Variants in ZFHX3 observed in about 807,000 individuals in gnomAD.
The protein encoded by ZFHX3 is zinc finger homeobox 3, also known as zinc finger homeobox protein 3.
In ZFHX3, 42 loss-of-function variants were observed where a neutral mutation model predicts 279.1. That is an observed-to-expected ratio of 0.15 (90% confidence interval 0.12 to 0.19). The LOEUF is 0.19. ZFHX3 is among the 10% of genes least tolerant of loss of function. The pLI, the probability that ZFHX3 is intolerant of heterozygous loss-of-function variation, is 1.00. For missense variants in ZFHX3, 4,981 were observed against 4,754.0 expected (o/e 1.05, Z -1.40); for synonymous variants, 2,293 against 1,957.8 (o/e 1.17, Z -4.52).
intron 5 of ZFHX3, among the ~76,000 whole-genome samples, chr16:73,191,691 C>T (rs1480464018): frequency 1.3e-5 from 2 of 152,052 alleles, no homozygotes; most frequent in African/African-American, 4.8e-5. Flanking sequence ...CTCTCACCCA[C>T]GGCTCTTTCA....
Position 73,010,351 on chromosome 16 carries a change from G to A in ZFHX3, c.-50+37401C>T, listed in dbSNP as rs137992811. 1.1e-3 allele frequency among the ~76,000 whole-genome samples: 175 copies of A among 152,280 alleles called. 1 individual carries two copies. The East Asian group carries it at 0.02, about 17-fold the overall frequency. On this transcript the variant is annotated intron_variant, in intron 1 of 9. Coordinates refer to ENST00000268489, the MANE Select transcript of ZFHX3 (RefSeq NM_006885.4). ...CACGAGAGGTTCAGCAGCCACTGCC[G>A]CTAAAACAAAAGACGGATGACAGGA...
intron 3 of ZFHX3, among the ~76,000 whole-genome samples, chr16:73,405,262 G>A (rs2017336984): frequency 6.6e-6 from 1 of 152,142 alleles, no homozygotes; most frequent in African/African-American, 2.4e-5. Flanking sequence ...TTAAATTTAG[G>A]GGCCAGAATG....
At chr16:73,490,494 A>C (rs1218490032) in intron 2 of ZFHX3, among the ~76,000 whole-genome samples, 1 of 152,236 alleles carries the variant, frequency 6.6e-6, no homozygotes, top group East Asian at 1.9e-4. Context: ...TATGTTACGT[A>C]ACTCCACCTT....
intron 2 of ZFHX3, among the ~76,000 whole-genome samples, chr16:73,468,667 G>A (rs1251116765): frequency 6.6e-6 from 1 of 152,164 alleles, no homozygotes; most frequent in African/African-American, 2.4e-5. Flanking sequence ...AGCCCTGGAG[G>A]CAGACATTGC....
chr16:73,065,835 A>T (rs907764373), intron 8 of ZFHX3, among the ~76,000 whole-genome samples: 1 of 152,204 alleles, frequency 6.6e-6, no homozygotes, highest in African/African-American at 2.4e-5. Context: ...TAAGCAACAA[A>T]CGACATCGAA....
intron 3 of ZFHX3, among the ~76,000 whole-genome samples, chr16:73,416,786 A>G (rs1450652431): frequency 1.4e-5 from 2 of 146,956 alleles, no homozygotes; most frequent in Non-Finnish European, 3.1e-5. Flanking sequence ...AAGCAGGAGA[A>G]TGGCGTGAAC....
At chr16:73,177,183 C>G (rs1450429403) in intron 5 of ZFHX3, among the ~76,000 whole-genome samples, 1 of 152,116 alleles carries the variant, frequency 6.6e-6, no homozygotes, top group East Asian at 1.9e-4. Flanking sequence ...GCCAACCAAC[C>G]AACCAACCAA....
chr16:73,507,480 T>G (rs1042326988), intron 2 of ZFHX3, among the ~76,000 whole-genome samples: 1 of 143,666 alleles, frequency 7.0e-6, no homozygotes, highest in Non-Finnish European at 1.5e-5. Flanking sequence ...AATTCAGCTC[T>G]GCCACTTTTT....
At chr16:72,873,159 A>C (rs7500397) in intron 4 of ZFHX3, among the ~76,000 whole-genome samples, 80,891 of 152,062 alleles carry the variant, frequency 0.53, 22,215 homozygotes, top group Middle Eastern at 0.63. Flanking sequence ...CGTATTTTTC[A>C]CATCCTTCCA....
At chr16:73,365,309 G>A (rs552723495) in intron 3 of ZFHX3, among the ~76,000 whole-genome samples, 61 of 152,316 alleles carry the variant, frequency 4.0e-4, no homozygotes, top group Middle Eastern at 6.8e-3. Flanking sequence ...GGATGCAGAC[G>A]AGAGCTGGTG....
At chr16:73,651,241 A>G (rs1034222388) in intron 2 of ZFHX3, among the ~76,000 whole-genome samples, 2 of 152,076 alleles carry the variant, frequency 1.3e-5, no homozygotes, top group Non-Finnish European at 2.9e-5. Flanking sequence ...GAGGAGAAAA[A>G]AAAAAAGCAG....
intron 1 of ZFHX3, among the ~76,000 whole-genome samples, chr16:72,960,719 C>T (rs1020086108): frequency 6.6e-6 from 1 of 152,124 alleles, no homozygotes; most frequent in East Asian, 1.9e-4. Context: ...GGATAACGCT[C>T]ATGGATTTAG....
intron 8 of ZFHX3, among the ~76,000 whole-genome samples, chr16:73,066,560 C>T (rs1263408481): frequency 1.3e-5 from 2 of 151,978 alleles, no homozygotes; most frequent in South Asian, 4.2e-4. Context: ...CACAGGTGCA[C>T]GTAGGGCATG....
chr16:73,410,478 A>C (rs942834126), intron 3 of ZFHX3, among the ~76,000 whole-genome samples: 1 of 152,220 alleles, frequency 6.6e-6, no homozygotes, highest in Non-Finnish European at 1.5e-5. Context: ...TTGTAATACA[A>C]AGAAAGGCTA....
intron 2 of ZFHX3, among the ~76,000 whole-genome samples, chr16:73,655,050 G>A (rs1000892609): frequency 6.6e-6 from 1 of 151,828 alleles, no homozygotes; most frequent in East Asian, 1.9e-4. Context: ...TAGTAGAGAC[G>A]GGGTTTTGCC....
At chr16:73,199,191 A>G (rs1369991515) in intron 5 of ZFHX3, among the ~76,000 whole-genome samples, 1 of 152,242 alleles carries the variant, frequency 6.6e-6, no homozygotes, top group Admixed American at 6.5e-5. Context: ...TCAGAAAGGA[A>G]GAAGACGGTT....
chr16:73,337,998 C>T (rs951189974), intron 3 of ZFHX3, among the ~76,000 whole-genome samples: 1 of 149,916 alleles, frequency 6.7e-6, no homozygotes, highest in Non-Finnish European at 1.5e-5. Context: ...AACTAAAACT[C>T]GTGCATACTC....
chr16:72,985,303 T>C (rs1337761446), intron 1 of ZFHX3, among the ~76,000 whole-genome samples: 1 of 152,202 alleles, frequency 6.6e-6, no homozygotes. Flanking sequence ...TCTGTCATCT[T>C]ATGATCAACT....
chr16:73,879,272 G>A (rs1187709489), intron 1 of ZFHX3, among the ~76,000 whole-genome samples: 7 of 148,292 alleles, frequency 4.7e-5, no homozygotes, highest in African/African-American at 1.5e-4. Context: ...ATCGTGGTCA[G>A]GAGCAGGTGG....
Sources: gnomAD v4.1 joint callset for allele counts (sites outside exome capture counted in the v4.1 genomes callset) on GRCh38, gnomAD v4.1.1 for gene constraint, MANE v1.5 for transcripts, NCBI Gene and HGNC (gene_info 2026-07-23, HGNC 2026-07-21) for gene names.